The following DENND1A variants were observed in gnomAD, a reference collection of about 807,000 sequenced individuals.
DENND1A encodes the protein DENN domain containing 1A.
In DENND1A, 51 loss-of-function variants were observed where a neutral mutation model predicts 113.7. The observed-to-expected ratio is 0.45, with a 90% CI of 0.36 to 0.57. The LOEUF (loss-of-function observed/expected upper bound fraction) is 0.57, where lower values mean the gene tolerates loss of function less well. Ranked by LOEUF, DENND1A falls within the 20% of genes least tolerant of loss-of-function variation. The pLI, the probability that DENND1A is intolerant of heterozygous loss-of-function variation, is 0.00. For synonymous variants in DENND1A, 565 were observed against 570.8 expected, an observed-to-expected ratio of 0.99 and a Z score of 0.14; for missense variants, 1,258 against 1,395.9, an observed-to-expected ratio of 0.90 and a Z score of 1.57.
At chr9:123,528,853 G>A (rs1010854960) in intron 13 of DENND1A, among the ~76,000 whole-genome samples, 1 of 152,144 alleles carries the variant, frequency 6.6e-6, no homozygotes, top group African/African-American at 2.4e-5. Context: ...AACAACTTCA[G>A]TTTTTCCTAA....
At chr9:123,757,282 G>A (rs1407641202) in intron 5 of DENND1A, among the ~76,000 whole-genome samples, 3 of 152,234 alleles carry the variant, frequency 2.0e-5, no homozygotes, top group African/African-American at 7.2e-5. Flanking sequence ...GGGCAAGGGT[G>A]TTACTTTAAG....
chr9:123,626,526 G>A (rs2061225689), intron 10 of DENND1A, among the ~76,000 whole-genome samples: 2 of 151,894 alleles, frequency 1.3e-5, no homozygotes, highest in East Asian at 1.9e-4. Flanking sequence ...TCTTCCTTGG[G>A]TGTGTGTTTT....
At chr9:123,582,286 G>A (rs989348379) in intron 12 of DENND1A, among the ~76,000 whole-genome samples, 3 of 152,198 alleles carry the variant, frequency 2.0e-5, no homozygotes, top group African/African-American at 4.8e-5. Flanking sequence ...GAGAGCTGGC[G>A]AGACTCTCAG....
At chr9:123,545,560 G>A (rs1260427567) in intron 13 of DENND1A, among the ~76,000 whole-genome samples, 6 of 151,782 alleles carry the variant, frequency 4.0e-5, no homozygotes, top group Admixed American at 2.6e-4. Context: ...TCCGCCTCCC[G>A]GGTTCACACC....
At chr9:123,881,012 T>C in intron 1 of DENND1A, among the ~76,000 whole-genome samples, 1 of 152,200 alleles carries the variant, frequency 6.6e-6, no homozygotes, top group Admixed American at 6.5e-5. Context: ...AATCTACTTA[T>C]TTCGGGGGTG....
chr9:123,451,496 T>C lies in DENND1A; in HGVS notation c.1300-747A>G, dbSNP rs200952115. On this transcript the variant is annotated intron_variant, in intron 17 of 23. Transcript: ENST00000394215. ...CTGTGGACACGAGTCTTACAAATAA[T>C]GCATTTCCTATAGGGCAGTGATCAG... 5.3e-5 allele frequency among the ~76,000 whole-genome samples: 8 copies of C among 152,366 alleles called. No homozygotes were observed. The East Asian group carries it at 1.2e-3, about 22-fold the overall frequency.
intron 9 of DENND1A, among the ~76,000 whole-genome samples, chr9:123,640,374 G>GGTAA (rs1395016458): frequency 6.6e-6 from 1 of 152,166 alleles, no homozygotes; most frequent in Non-Finnish European, 1.5e-5. Context: ...CCAGTCAGGG[G>GGTAA]GTAAGGGTGG....
At chr9:123,905,523 A>C (rs1217902614) in intron 1 of DENND1A, among the ~76,000 whole-genome samples, 5 of 141,026 alleles carry the variant, frequency 3.5e-5, no homozygotes, top group African/African-American at 5.5e-5. Context: ...TCTACCAAGC[A>C]AATGGAAAAC....
chr9:123,851,556 G>C (rs1843364729), intron 2 of DENND1A, among the ~76,000 whole-genome samples: 1 of 152,158 alleles, frequency 6.6e-6, no homozygotes, highest in African/African-American at 2.4e-5. Context: ...AAAGACCTAA[G>C]GTGGCACCAT....
At chr9:123,709,753 C>A (rs1288133956) in intron 5 of DENND1A, among the ~76,000 whole-genome samples, 1 of 152,190 alleles carries the variant, frequency 6.6e-6, no homozygotes, top group Non-Finnish European at 1.5e-5. Context: ...AAACTAGCCA[C>A]ACTCATGAAA....
chr9:123,451,848 G>GA (rs2132703013), intron 17 of DENND1A, among the ~76,000 whole-genome samples: 1 of 152,290 alleles, frequency 6.6e-6, no homozygotes, highest in East Asian at 1.9e-4. Context: ...AGACCTTCAG[G>GA]AAAGAGCTCA....
At chr9:123,429,877 C>T (rs975282819) in intron 19 of DENND1A, among the ~76,000 whole-genome samples, 5 of 152,064 alleles carry the variant, frequency 3.3e-5, no homozygotes, top group African/African-American at 1.2e-4. Flanking sequence ...AGCTTCTGCA[C>T]AGCAAAATAA....
At position 123,387,831 on chromosome 9, in the gene DENND1A, C is replaced by T. The variant is rs909187917; in HGVS notation, c.1659G>A (p.Ala553=). 2.1e-5 allele frequency: 27 copies of T among 1,289,770 alleles called. No homozygotes were observed. Among genetic ancestry groups the T allele is most frequent in the Non-Finnish European group, 2.4e-5 (24 of 988,892 alleles). The allele number at this position is 1,289,770 out of a possible 1,614,324, so 79.9% of individuals were successfully genotyped here. A position where few individuals can be genotyped will look rare whatever the true frequency, so the allele number is the denominator to read the frequency against. Residue 553 remains alanine, a synonymous_variant, in exon 22 of 24, where the codon GCG becomes GCA. Coordinates refer to ENST00000394215, the MANE Select transcript of DENND1A (RefSeq NM_001352964.2). ...EHLVKPLRHY[A]VFLSEDSSDD... ...CAGAGGAGTCTTCGGAGAGGAAGAC[C>T]GCATAGTGTCGCAAGGGCTTTACCA... is the stretch of plus-strand genomic sequence containing the variant.
intron 1 of DENND1A, among the ~76,000 whole-genome samples, chr9:123,890,237 C>T (rs745338609): frequency 6.6e-6 from 1 of 152,142 alleles, no homozygotes; most frequent in African/African-American, 2.4e-5. Flanking sequence ...TCCACCACAC[C>T]ACGTTGCCTG....
rs2048651129 is a variant in DENND1A, at chr9:123,462,971, T to C, written c.994-5074A>G. Among the ~76,000 whole-genome samples, 4 of 152,122 alleles carry C rather than the reference T, an allele frequency of 2.6e-5. 1 individual carries two copies. In the South Asian group the frequency reaches 8.3e-4, roughly 32 times the overall value. On this transcript the variant is annotated intron_variant, in intron 13 of 23. Transcript: ENST00000394215. ...AGCCACTCCCACCAGCTCGTCCACC[T>C]GCGTCCTGCAAGTAAAAATGGCGGC...
At chr9:123,827,975 T>C (rs1839618200) in intron 2 of DENND1A, among the ~76,000 whole-genome samples, 1 of 152,060 alleles carries the variant, frequency 6.6e-6, no homozygotes, top group Non-Finnish European at 1.5e-5. Flanking sequence ...TATACAACAA[T>C]TGGCACTCAA....
intron 5 of DENND1A, among the ~76,000 whole-genome samples, chr9:123,695,231 C>T (rs774675819): frequency 2.0e-5 from 3 of 151,578 alleles, no homozygotes; most frequent in Non-Finnish European, 4.4e-5. Context: ...TATGGAGAAA[C>T]AAAAGTTCTC....
Position 123,574,683 on chromosome 9 carries a change from C to T in DENND1A, c.867+8486G>A, listed in dbSNP as rs182344122. ...GTTCTTAGTTTGTTTCTGGTTGGGC[C>T]GGCAAAGCCTCTTCCTCATCCCTCT... On this transcript the variant is annotated intron_variant, in intron 12 of 23. Coordinates refer to ENST00000394215, the MANE Select transcript of DENND1A (RefSeq NM_001352964.2). Among the ~76,000 whole-genome samples the T allele has an allele frequency of 1.5e-4, 23 of 152,182 alleles. No individual in the cohort carries two copies. In the East Asian group the frequency reaches 3.5e-3, roughly 23 times the overall value.
intron 2 of DENND1A, among the ~76,000 whole-genome samples, chr9:123,861,186 C>T (rs1388603165): frequency 2.0e-5 from 3 of 152,140 alleles, no homozygotes; most frequent in African/African-American, 7.2e-5. Flanking sequence ...CTGACCAGTG[C>T]TTATAAGGCC....
Sources: allele counts gnomAD v4.1 joint callset (sites outside exome capture counted in the v4.1 genomes callset), GRCh38; gene constraint gnomAD v4.1.1; transcripts MANE v1.5; gene names NCBI Gene and HGNC (gene_info 2026-07-23, HGNC 2026-07-21).